DLGAP4: variants seen among roughly 807,000 people sequenced by gnomAD.
DLGAP4 encodes disks large-associated protein 4.
In DLGAP4, 18 loss-of-function variants were observed where a neutral mutation model predicts 86.9. That is an observed-to-expected ratio of 0.21 (90% CI 0.14 to 0.31). The LOEUF (loss-of-function observed/expected upper bound fraction) is 0.31. Ranked by LOEUF, DLGAP4 falls within the 10% of genes least tolerant of loss-of-function variation. DLGAP4 has a pLI of 1.00. For missense variants in DLGAP4, 1,085 were observed against 1,362.6 expected (o/e 0.80, Z 3.21); for synonymous variants, 548 against 574.3 (o/e 0.95, Z 0.65).
At chr20:36,449,642 C>G (rs572043797) in intron 7 of DLGAP4, among the ~76,000 whole-genome samples, 1 of 152,228 alleles carries the variant, frequency 6.6e-6, no homozygotes, top group East Asian at 1.9e-4. Flanking sequence ...CACACCCATG[C>G]GAAGTTCTCT....
Position 36,507,322 on chromosome 20 carries a change from G to A in DLGAP4, c.2512+6711G>A, listed in dbSNP as rs910614146. Among the ~76,000 whole-genome samples the A allele has an allele frequency of 1.3e-4, 20 of 152,076 alleles. 1 individual carries two copies. The highest frequency in any genetic ancestry group is 7.4e-5 in the Non-Finnish European group (5 of 68,018). ...GGCTCACCACAACCTCCGCCTCCTGGGTGCAAGTGATTCTCGTGCCTCAGC... is the reference window on the plus strand; with the variant it reads ...GGCTCACCACAACCTCCGCCTCCTGAGTGCAAGTGATTCTCGTGCCTCAGC... On this transcript the variant is annotated intron_variant, in intron 10 of 12. Coordinates refer to ENST00000339266, the MANE Select transcript of DLGAP4 (RefSeq NM_001365621.2).
At chr20:36,520,151 T>C (rs561528743) in intron 10 of DLGAP4, among the ~76,000 whole-genome samples, 1 of 152,194 alleles carries the variant, frequency 6.6e-6, no homozygotes, top group African/African-American at 2.4e-5. Context: ...TGACTAATGC[T>C]GTTGAGATGT....
intron 2 of DLGAP4, among the ~76,000 whole-genome samples, chr20:36,405,790 C>A (rs1239703974): frequency 6.6e-6 from 1 of 152,084 alleles, no homozygotes; most frequent in South Asian, 2.1e-4. Flanking sequence ...AATGGTGACA[C>A]ACCCATGTTA....
chr20:36,317,255 CTTTCTTTCTTTCTTTCTTTCT>C (rs1246241148), intron 1 of DLGAP4, among the ~76,000 whole-genome samples: 1,155 of 58,992 alleles, frequency 0.02, 18 homozygotes, highest in African/African-American at 0.097. Context: ...TTCTTTCTTT[CTTTCTTTCTTTCTTTCTTTCT>C]TATCTTTCTT....
chr20:36,318,105 C>G (rs1302284445), intron 1 of DLGAP4, among the ~76,000 whole-genome samples: 1 of 99,600 alleles, frequency 1.0e-5, no homozygotes, highest in Non-Finnish European at 1.9e-5. Context: ...AATGTGTCCT[C>G]TCACACACAC....
chr20:36,346,873 T>A (rs1235847404), intron 1 of DLGAP4, among the ~76,000 whole-genome samples: 4 of 152,198 alleles, frequency 2.6e-5, no homozygotes, highest in African/African-American at 7.2e-5. Flanking sequence ...AAAAATGAGT[T>A]GTCACAGGGC....
intron 2 of DLGAP4, among the ~76,000 whole-genome samples, chr20:36,409,927 G>C (rs1295487500): frequency 6.6e-6 from 1 of 151,110 alleles, no homozygotes; most frequent in African/African-American, 2.4e-5. Context: ...CCAGCTACTC[G>C]GGAGGCTGAG....
chr20:36,489,855 CTTTTTTTTT>C (rs764797081), intron 7 of DLGAP4, among the ~76,000 whole-genome samples: 10 of 108,020 alleles, frequency 9.3e-5, no homozygotes, highest in South Asian at 2.9e-4. Context: ...GCTAATTCTT[CTTTTTTTTT>C]TTTTTTTTTT....
At chr20:36,329,772 C>G (rs1555891339) in intron 1 of DLGAP4, among the ~76,000 whole-genome samples, 1 of 152,136 alleles carries the variant, frequency 6.6e-6, no homozygotes, top group Non-Finnish European at 1.5e-5. Flanking sequence ...ATGGCTCACG[C>G]CTGTAATCCC....
At chr20:36,391,812 A>G (rs1412922948) in intron 2 of DLGAP4, among the ~76,000 whole-genome samples, 3 of 152,162 alleles carry the variant, frequency 2.0e-5, no homozygotes, top group African/African-American at 7.2e-5. Flanking sequence ...TGCCGTCTCC[A>G]ATGCAACCAG....
At chr20:36,353,657 G>C (rs1407296925) in intron 1 of DLGAP4, among the ~76,000 whole-genome samples, 4 of 152,232 alleles carry the variant, frequency 2.6e-5, no homozygotes, top group Non-Finnish European at 5.9e-5. Flanking sequence ...CTGGTCACAA[G>C]AGTTGGAACA....
At chr20:36,327,356 A>T (rs1404617237) in intron 1 of DLGAP4, among the ~76,000 whole-genome samples, 3 of 151,950 alleles carry the variant, frequency 2.0e-5, no homozygotes, top group African/African-American at 4.8e-5. Flanking sequence ...TACCTCCATA[A>T]GGTTTTCTTC....
chr20:36,348,994 T>C (rs746140648), intron 1 of DLGAP4, among the ~76,000 whole-genome samples: 1 of 149,388 alleles, frequency 6.7e-6, no homozygotes, highest in East Asian at 2.0e-4. Flanking sequence ...TCCCAGCTAC[T>C]TGGGAGACTG....
chr20:36,459,123 T>C (rs1440248288), intron 7 of DLGAP4, among the ~76,000 whole-genome samples: 2 of 152,182 alleles, frequency 1.3e-5, no homozygotes, highest in Non-Finnish European at 2.9e-5. Context: ...ATGTGAGTCC[T>C]GTCTGTGCCC....
intron 6 of DLGAP4, among the ~76,000 whole-genome samples, chr20:36,446,109 C>T (rs1052228173): frequency 6.6e-5 from 10 of 152,224 alleles, no homozygotes; most frequent in African/African-American, 9.6e-5. Context: ...GCTTCAGCTT[C>T]GTCTCTGGCC....
rs1159616185 is a variant in DLGAP4 at position 36,525,216 on chromosome 20, C to CAAAAAAAAAAAAAAAAAAAAAA, written c.2605-618_2605-597dup. On this transcript the variant is annotated intron_variant, in intron 11 of 12. Coordinates refer to ENST00000339266, the MANE Select transcript of DLGAP4 (RefSeq NM_001365621.2). ...TGGGTGACAGAGCGAGACTCCGTCT[C>CAAAAAAAAAAAAAAAAAAAAAA]AAAAAAAAAAAAAAAAAAAAAAAAA... Among the ~76,000 whole-genome samples the CAAAAAAAAAAAAAAAAAAAAAA allele has an allele frequency of 3.9e-4, 11 of 28,506 alleles. 2 individuals are homozygous for CAAAAAAAAAAAAAAAAAAAAAA. The highest frequency in any genetic ancestry group is 6.2e-4 in the African/African-American group (6 of 9,750). 18.7% of individuals were successfully genotyped at this position (28,506 alleles called of 152,430 possible).
intron 7 of DLGAP4, among the ~76,000 whole-genome samples, chr20:36,466,997 GTCTCTCTCTCTCTCTCTCTCCTCTCTC>G (rs2034403791): frequency 7.8e-5 from 3 of 38,696 alleles, no homozygotes; most frequent in African/African-American, 3.4e-4. Context: ...CTCTGTCTCT[GTCTCTCTCTCTCTCTCTCTCCTCTCTC>G]TCTCTCTCTC....
chr20:36,510,899 T>G (rs1365728020), intron 10 of DLGAP4: 1 of 152,236 alleles, frequency 6.6e-6, no homozygotes, highest in African/African-American at 2.4e-5. Flanking sequence ...GTAGCACGCC[T>G]TGGTATCTGG....
At chr20:36,385,413 A>G (rs2031560389) in intron 2 of DLGAP4, among the ~76,000 whole-genome samples, 1 of 152,296 alleles carries the variant, frequency 6.6e-6, no homozygotes, top group Non-Finnish European at 1.5e-5. Flanking sequence ...AGTTCTTAGT[A>G]GTAGAAATAA....
Sources: allele counts gnomAD v4.1 joint callset (sites outside exome capture counted in the v4.1 genomes callset), GRCh38; gene constraint gnomAD v4.1.1; transcripts MANE v1.5; gene names NCBI Gene and HGNC (gene_info 2026-07-23, HGNC 2026-07-21).